The following EIPR1 variants were observed in gnomAD, a reference collection of about 807,000 sequenced individuals.
The protein encoded by EIPR1 is EARP complex and GARP complex interacting protein 1, also known as EARP and GARP complex-interacting protein 1.
In EIPR1, 25 loss-of-function variants were observed where a neutral mutation model predicts 48.1. The ratio of observed to expected loss-of-function variants is 0.52; its 90% CI spans 0.38 to 0.73. The LOEUF is 0.73. EIPR1 is among the 30% of genes least tolerant of loss of function. The pLI is 0.00. For missense variants in EIPR1, 415 were observed against 506.2 expected (o/e 0.82, Z 1.73); for synonymous variants, 204 against 201.9 (o/e 1.01, Z -0.09).
chr2:3,237,290 GC>G (rs1190392461), intron 4 of EIPR1, among the ~76,000 whole-genome samples: 1 of 139,480 alleles, frequency 7.2e-6, no homozygotes, highest in African/African-American at 2.7e-5. Flanking sequence ...TGGCAGTCCT[GC>G]CTTATCCAGT....
At chr2:3,245,401 C>T (rs1666765703) in intron 4 of EIPR1, among the ~76,000 whole-genome samples, 1 of 152,120 alleles carries the variant, frequency 6.6e-6, no homozygotes, top group African/African-American at 2.4e-5. Context: ...TTAGTAGGGA[C>T]AGGATTTTGC....
At chr2:3,237,065 CAA>C (rs1448548792) in intron 4 of EIPR1, among the ~76,000 whole-genome samples, 1 of 152,122 alleles carries the variant, frequency 6.6e-6, no homozygotes, top group African/African-American at 2.4e-5. Flanking sequence ...ACAAGGCACA[CAA>C]AGACGCACCC....
chr2:3,226,016 C>A (rs1391792470), intron 4 of EIPR1, among the ~76,000 whole-genome samples: 2 of 152,208 alleles, frequency 1.3e-5, no homozygotes, highest in Admixed American at 6.5e-5. Context: ...GTATCTACCA[C>A]AATTTCTTTA....
intron 4 of EIPR1, among the ~76,000 whole-genome samples, chr2:3,228,693 C>T (rs760789460): frequency 6.6e-6 from 1 of 152,132 alleles, no homozygotes; most frequent in Non-Finnish European, 1.5e-5. Flanking sequence ...AGGGCAGGAC[C>T]AGGTGGAAAT....
intron 1 of EIPR1, among the ~76,000 whole-genome samples, chr2:3,361,791 TGCCC>T (rs747291867): frequency 5.5e-5 from 8 of 145,660 alleles, no homozygotes; most frequent in South Asian, 2.3e-4. Flanking sequence ...CATCTGACCC[TGCCC>T]AAGCCCTTGG....
intron 4 of EIPR1, among the ~76,000 whole-genome samples, chr2:3,219,278 C>G (rs1177307540): frequency 6.8e-6 from 1 of 146,834 alleles, no homozygotes; most frequent in Non-Finnish European, 1.5e-5. Flanking sequence ...TCAACACGAC[C>G]CTGGTATACT....
chr2:3,348,688 T>C (rs1195799090), intron 2 of EIPR1, among the ~76,000 whole-genome samples: 1 of 152,214 alleles, frequency 6.6e-6, no homozygotes, highest in Non-Finnish European at 1.5e-5. Context: ...ATAGCGCAGC[T>C]GCATTATGCA....
At chr2:3,294,935 C>T (rs1236261857) in intron 3 of EIPR1, among the ~76,000 whole-genome samples, 8 of 90,082 alleles carry the variant, frequency 8.9e-5, no homozygotes, top group Non-Finnish European at 2.3e-5. Flanking sequence ...GCCATCCAGC[C>T]CATCCTCTCT....
chr2:3,362,220 T>C (rs1241764089), intron 1 of EIPR1, among the ~76,000 whole-genome samples: 2 of 151,358 alleles, frequency 1.3e-5, no homozygotes, highest in Non-Finnish European at 2.9e-5. Flanking sequence ...GCCCCATTCA[T>C]ACACACAGGG....
At chr2:3,251,145 G>C (rs966779715) in intron 4 of EIPR1, among the ~76,000 whole-genome samples, 1 of 152,126 alleles carries the variant, frequency 6.6e-6, no homozygotes, top group Non-Finnish European at 1.5e-5. Context: ...GGCGGCCAGC[G>C]GTCTGCTGAA....
At chr2:3,263,762 C>A (rs562744439) in intron 3 of EIPR1, among the ~76,000 whole-genome samples, 44 of 152,302 alleles carry the variant, frequency 2.9e-4, no homozygotes, top group African/African-American at 1.1e-3. Flanking sequence ...AGTTTCCTTG[C>A]CCCAGTAATA....
intron 3 of EIPR1, among the ~76,000 whole-genome samples, chr2:3,295,532 C>CTGCA (rs1558280421): frequency 1.2e-5 from 1 of 81,102 alleles, no homozygotes. Flanking sequence ...CATCGTCTCT[C>CTGCA]CACACACACC....
chr2:3,225,248 G>A (rs1449269710), intron 4 of EIPR1, among the ~76,000 whole-genome samples: 1 of 151,312 alleles, frequency 6.6e-6, no homozygotes, highest in East Asian at 1.9e-4. Flanking sequence ...GTGTGTGTGT[G>A]TGTGTGTGTG....
intron 3 of EIPR1, among the ~76,000 whole-genome samples, chr2:3,336,673 C>T (rs991327402): frequency 6.6e-6 from 1 of 151,990 alleles, no homozygotes; most frequent in African/African-American, 2.4e-5. Context: ...GAGGCTGAGG[C>T]AGGAGAATTG....
At position 3,198,941 on chromosome 2, in the gene EIPR1, C is replaced by T. The variant is rs538191847; in HGVS notation, c.517-1924G>A. Among the ~76,000 whole-genome samples the T allele has an allele frequency of 9.2e-5, 14 of 151,886 alleles. No homozygotes were observed. The East Asian group carries it at 1.4e-3, about 15-fold the overall frequency. ...GCAGAGAACCCATCTGACTAGAATT[C>T]GCCAGGCTGGAATTTCCTAATCCTA... On this transcript the variant is annotated intron_variant, in intron 5 of 8. Coordinates refer to ENST00000382125, the MANE Select transcript of EIPR1 (RefSeq NM_003310.5).
At chr2:3,298,059 C>G (rs1157972439) in intron 3 of EIPR1, among the ~76,000 whole-genome samples, 1 of 152,170 alleles carries the variant, frequency 6.6e-6, no homozygotes, top group East Asian at 1.9e-4. Flanking sequence ...GGGGTCATCA[C>G]CAAAAGATCT....
At chr2:3,204,718 C>T (rs560140265) in intron 5 of EIPR1, among the ~76,000 whole-genome samples, 6 of 152,222 alleles carry the variant, frequency 3.9e-5, no homozygotes, top group Non-Finnish European at 8.8e-5. Context: ...AGAGTCTCAG[C>T]GGAAGATTTT....
At chr2:3,353,902 G>A (rs888433360) in intron 2 of EIPR1, among the ~76,000 whole-genome samples, 1 of 152,096 alleles carries the variant, frequency 6.6e-6, no homozygotes, top group African/African-American at 2.4e-5. Flanking sequence ...ATGGCCTCCC[G>A]CACATTTTCC....
Position 3,354,902 on chromosome 2 carries a change from T to G in EIPR1, c.43-269A>C, listed in dbSNP as rs913917595. 2.0e-5 allele frequency among the ~76,000 whole-genome samples: 3 copies of G among 152,386 alleles called. 1 individual carries two copies. Among genetic ancestry groups the G allele is most frequent in the Admixed American group, 2.0e-4 (3 of 15,310 alleles). ...AAGATGTAAATTATCTACACATCAA[T>G]GTTTAAATTAATTTTTAGTAAAACT... On this transcript the variant is annotated intron_variant, in intron 1 of 8. Coordinates refer to ENST00000382125, the MANE Select transcript of EIPR1 (RefSeq NM_003310.5).
Sources: allele counts gnomAD v4.1 joint callset (sites outside exome capture counted in the v4.1 genomes callset), GRCh38; gene constraint gnomAD v4.1.1; transcripts MANE v1.5; gene names NCBI Gene and HGNC (gene_info 2026-07-23, HGNC 2026-07-21).